Variants in MROH6 observed in about 807,000 individuals in gnomAD.
The protein encoded by MROH6 is maestro heat-like repeat-containing protein family member 6.
In MROH6, 62 loss-of-function variants were observed where a neutral mutation model predicts 67.7. The ratio of observed to expected loss-of-function variants is 0.92; its 90% CI spans 0.75 to 1.13. The LOEUF is 1.13. MROH6 is among the 50% of genes most tolerant of loss of function. The pLI is 0.00. For synonymous variants in MROH6, 566 were observed against 470.8 expected (o/e 1.20, Z -2.62); for missense variants, 1,175 against 1,029.1 (o/e 1.14, Z -1.94).
Position 143,572,747 on chromosome 8 carries a change from C to G in MROH6, c.-33G>C. The G allele has an allele frequency of 6.9e-7, 1 of 1,446,184 alleles. No homozygotes were observed. The highest frequency in any genetic ancestry group is 1.4e-5 in the South Asian group (1 of 69,970). 89.6% of individuals were successfully genotyped at this position (1,446,184 alleles called of 1,614,324 possible). On this transcript the variant is annotated 5_prime_UTR_variant, in exon 1 of 14. Coordinates refer to ENST00000398882, the MANE Select transcript of MROH6 (RefSeq NM_001100878.2). ...CTTGCCTGCAGCACCTGCCGCTGCT[C>G]CTCCTGCGAAGTTGTGCCCAGGACT...
intron 9 of MROH6, 23 bp downstream of exon 9, chr8:143,569,418 C>T: frequency 7.1e-7 from 1 of 1,417,280 alleles, no homozygotes; most frequent in Non-Finnish European, 9.1e-7. Context: ...GGGGCGGGAC[C>T]CGGAGGCGGG....
rs891016985 is a variant in MROH6 at position 143,567,412 on chromosome 8, C to T, written c.1987G>A (p.Val663Met). Residue 663 changes from valine to methionine, a missense_variant, in exon 14 of 14, where the codon GTG becomes ATG. Transcript: ENST00000398882. The part of the protein sequence containing the change: ...PKPAVAAAAH[V>M]SAQQVAMLAR... ...AGCATCGCCACCTGCTGAGCGGACA[C>T]GTGCGCTGCCGCGGCCACAGCCGGC... is the stretch of plus-strand genomic sequence containing the variant. The T allele has an allele frequency of 9.9e-6, 13 of 1,310,844 alleles. No homozygotes were observed. Among genetic ancestry groups the T allele is most frequent in the South Asian group, 2.1e-5 (1 of 47,056 alleles). 81.2% of individuals were successfully genotyped at this position (1,310,844 alleles called of 1,614,324 possible). A position where few individuals can be genotyped will look rare whatever the true frequency, so the allele number is the denominator to read the frequency against.
intron 6 of MROH6, 45 bp downstream of exon 6, chr8:143,570,198 C>T (rs368111962): frequency 5.4e-5 from 84 of 1,559,536 alleles, no homozygotes; most frequent in Non-Finnish European, 6.5e-5. Context: ...AGCAACGACT[C>T]TCTTCCTGGT....
chr8:143,568,896 C>T (rs1326045725), intron 9 of MROH6, 177 bp from the exon 10 acceptor site: 3 of 533,330 alleles, frequency 5.6e-6, no homozygotes, highest in Non-Finnish European at 9.7e-6. Context: ...CTGGAGAGCC[C>T]CTGCAGGGGG....
Position 143,571,824 on chromosome 8 carries a change from G to T in MROH6, c.448-3C>A, listed in dbSNP as rs1341429431. On this transcript the variant is annotated splice_region_variant and splice_polypyrimidine_tract_variant and intron_variant, in intron 2 of 13. Transcript: ENST00000398882. ...AGCCCACGCACCAGAGCATGCACCTGGTGGGGAAGGGGGCAGACTTCAGCA... is the reference window on the plus strand; with the variant it reads ...AGCCCACGCACCAGAGCATGCACCTTGTGGGGAAGGGGGCAGACTTCAGCA... 1 of 1,540,078 alleles carries T rather than the reference G, an allele frequency of 6.5e-7. No homozygotes were observed. The highest frequency in any genetic ancestry group is 1.2e-5 in the South Asian group (1 of 84,058).
Position 143,567,146 on chromosome 8 carries a change from G to A in MROH6, c.*93C>T, listed in dbSNP as rs893193668. 7.5e-6 allele frequency: 5 copies of A among 668,852 alleles called. No individual in the cohort carries two copies. Among genetic ancestry groups the A allele is most frequent in the Non-Finnish European group, 8.3e-6 (4 of 482,878 alleles). The allele number at this position is 668,852 out of a possible 1,614,324, so 41.4% of individuals were successfully genotyped here. A position where few individuals can be genotyped will look rare whatever the true frequency, so the allele number is the denominator to read the frequency against. On this transcript the variant is annotated 3_prime_UTR_variant, in exon 14 of 14. Coordinates refer to ENST00000398882, the MANE Select transcript of MROH6 (RefSeq NM_001100878.2). The stretch of plus-strand genomic sequence containing the variant: ...GGAGGGCATTGGCGTCCAGCACCAG[G>A]CCCAGGGAGCCCCTCCGTCAGGGCG...
Position 143,569,530 on chromosome 8 carries a change from C to T in MROH6, c.1387G>A (p.Ala463Thr). The change falls in exon 9 of 14, where the codon GCC becomes ACC. Residue 463 changes from alanine to threonine, a missense_variant. Ala to Thr is a moderately conservative substitution (Grantham distance 58). Transcript: ENST00000398882. ...GGCCGCAGCAGGAGCCTCCTCAGGG[C>T]GCCCAGCGCTGCACCCACGAGCCGC... ...DARLVGAALG[A>T]LRRLLLRPRA... is the part of the protein sequence containing the mutation. The T allele has an allele frequency of 2.7e-6, 4 of 1,507,446 alleles. No homozygotes were observed. The highest frequency in any genetic ancestry group is 2.3e-4 in the Middle Eastern group (1 of 4,392). The allele number at this position is 1,507,446 out of a possible 1,614,324, so 93.4% of individuals were successfully genotyped here.
At position 143,566,943 on chromosome 8, in the gene MROH6, C is replaced by T. The variant is rs1164342076; in HGVS notation, c.*296G>A. On this transcript the variant is annotated 3_prime_UTR_variant, in exon 14 of 14. Coordinates refer to ENST00000398882, the MANE Select transcript of MROH6 (RefSeq NM_001100878.2). Reference sequence around the variant, plus strand: ...ACCAACTTTGGGGTCCCCCAGCAGACTCAAGAGGCCAGGTGCCATCTGGGC... The same window carrying T: ...ACCAACTTTGGGGTCCCCCAGCAGATTCAAGAGGCCAGGTGCCATCTGGGC... 2 of 268,896 alleles carry T rather than the reference C, an allele frequency of 7.4e-6. No homozygotes were observed. Among genetic ancestry groups the T allele is most frequent in the East Asian group, 6.2e-5 (1 of 16,140 alleles). 16.7% of individuals were successfully genotyped at this position (268,896 alleles called of 1,614,324 possible).
chr8:143,567,727 G>C, intron 12 of MROH6, 51 bp from the exon 13 acceptor site: 1 of 1,570,988 alleles, frequency 6.4e-7, no homozygotes, highest in African/African-American at 1.4e-5. Context: ...CCCAGGGGGA[G>C]GCTGGCCCAG....
Position 143,570,051 on chromosome 8 carries a change from T to A in MROH6, c.1058A>T (p.His353Leu). 6.2e-7 allele frequency: 1 copy of A among 1,611,464 alleles called. No individual in the cohort carries two copies. The highest frequency in any genetic ancestry group is 8.5e-7 in the Non-Finnish European group (1 of 1,179,764). Residue 353 changes from histidine to leucine, a missense_variant, in exon 7 of 14, where the codon CAT (histidine) becomes CTT (leucine). By Grantham distance (99) the His-to-Leu change is moderately conservative. Coordinates refer to ENST00000398882, the MANE Select transcript of MROH6 (RefSeq NM_001100878.2). ...VLLLASAMVA[H>L]ADHHLRGLFA... is the part of the protein sequence containing the mutation. ...GAGGCCTCGCAGGTGGTGGTCGGCA[T>A]GTGCCACCATAGCACTGGGGTGGGT...
In MROH6 at chr8:143,571,674, C is replaced by A. The variant is rs754998519; in HGVS notation, c.595G>T (p.Ala199Ser). The A allele has an allele frequency of 1.9e-6, 3 of 1,556,934 alleles. No individual in the cohort carries two copies. The East Asian group carries it at 7.2e-5, about 38-fold the overall frequency. ...VCALLPRSLP[A>S]DRVAAELWRS... ...CCAGGACGGTTGGGTTACCGATCGG[C>A]GGGCAGAGAGCGGGGTAGCAGCGCA... The change falls in exon 3 of 14, where the codon GCC becomes TCC. Residue 199 changes from alanine (A) to serine (S), a missense_variant. By Grantham distance (99) the Ala-to-Ser change is moderately conservative (BLOSUM62 1). Coordinates refer to ENST00000398882, the MANE Select transcript of MROH6 (RefSeq NM_001100878.2).
chr8:143,567,276 G>T lies in MROH6; in HGVS notation c.2123C>A (p.Ala708Glu). 8.2e-7 allele frequency: 1 copy of T among 1,222,776 alleles called. No homozygotes were observed. Among genetic ancestry groups the T allele is most frequent in the Non-Finnish European group, 1.0e-6 (1 of 982,104 alleles). The allele number at this position is 1,222,776 out of a possible 1,614,324, so 75.7% of individuals were successfully genotyped here. The change falls in exon 14 of 14, where the codon GCG (alanine) becomes GAG (glutamate). Residue 708 changes from alanine to glutamate, a missense_variant. Coordinates refer to ENST00000398882, the MANE Select transcript of MROH6 (RefSeq NM_001100878.2). Reference sequence around the variant, plus strand: ...GGGTCCGGAGCAGCCCCAGCGGCCCGCGACGCTCCGGCGCTGGAAGGGGCT... The same window carrying T: ...GGGTCCGGAGCAGCCCCAGCGGCCCTCGACGCTCCGGCGCTGGAAGGGGCT... ...ADSPFQRRSV[A>E]GRWGCSGPRR... is the part of the protein sequence containing the mutation.
In MROH6 at chr8:143,567,844, G is replaced by C. The variant is rs765277552; in HGVS notation, c.1809C>G (p.Thr603=). ...PGHVPNFLSQ[T]QGYLRSPQDP... ...CCTGTGGACTCCGCAGGTAGCCCTGGGTCTGGCTCAGGAAGTTGGGCACGT... is the reference window on the plus strand; with the variant it reads ...CCTGTGGACTCCGCAGGTAGCCCTGCGTCTGGCTCAGGAAGTTGGGCACGT... Residue 603 remains threonine, a synonymous_variant, in exon 12 of 14, where the codon ACC becomes ACG. Coordinates refer to ENST00000398882, the MANE Select transcript of MROH6 (RefSeq NM_001100878.2). 2 of 1,531,172 alleles carry C rather than the reference G, an allele frequency of 1.3e-6. No individual in the cohort carries two copies. Among genetic ancestry groups the C allele is most frequent in the South Asian group, 1.3e-5 (1 of 77,800 alleles). 94.8% of individuals were successfully genotyped at this position (1,531,172 alleles called of 1,614,324 possible).
At chr8:143,568,305 A>C in intron 10 of MROH6, 44 bp from the exon 11 acceptor site, 1 of 1,564,670 alleles carries the variant, frequency 6.4e-7, no homozygotes, top group Non-Finnish European at 8.7e-7. Context: ...CAGGAAGTAG[A>C]AAGGCAAAAG....
In MROH6 at chr8:143,567,758, G is replaced by A. The variant is rs755898481; in HGVS notation, c.1867+28C>T. 15 of 1,570,954 alleles carry A rather than the reference G, an allele frequency of 9.5e-6. No homozygotes were observed. The South Asian group carries it at 1.6e-4, about 17-fold the overall frequency. Reference sequence around the variant, plus strand: ...CCCAGCTCCCAAAGCCCCGGTGCCAGGGGCAGTGTGACCCCGGGCGGCCTC... The same window carrying A: ...CCCAGCTCCCAAAGCCCCGGTGCCAAGGGCAGTGTGACCCCGGGCGGCCTC... On this transcript the variant is annotated intron_variant, in intron 12 of 13. Coordinates refer to ENST00000398882, the MANE Select transcript of MROH6 (RefSeq NM_001100878.2).
At position 143,568,677 on chromosome 8, in the gene MROH6, TCC is replaced by T; in HGVS notation, c.1517_1518del (p.Gly506AspfsTer35). 6.6e-7 allele frequency: 1 copy of T among 1,520,256 alleles called. No homozygotes were observed. The highest frequency in any genetic ancestry group is 8.8e-7 in the Non-Finnish European group (1 of 1,139,014). 94.2% of individuals were successfully genotyped at this position (1,520,256 alleles called of 1,614,324 possible). ...CCGCCCCGGCCCCGGCGCACCAGAGTCCCAAGGAGCCCGACGGCCGAGGCGCG... is the reference window on the plus strand; with the variant it reads ...CCGCCCCGGCCCCGGCGCACCAGAGTCAAGGAGCCCGACGGCCGAGGCGCG... ...SIRASAVGLL[G>X]TLVRRGRGGL... On this transcript the variant is annotated frameshift_variant, in exon 10 of 14. Transcript: ENST00000398882. LOFTEE classifies it high-confidence loss of function.
Position 143,567,620 on chromosome 8 carries a change from G to A in MROH6, c.1924C>T (p.Leu642=). The change falls in exon 13 of 14, where the codon CTG becomes TTG. Residue 642 remains leucine, a synonymous_variant. Coordinates refer to ENST00000398882, the MANE Select transcript of MROH6 (RefSeq NM_001100878.2). The part of the protein sequence containing the change: ...GCVNQDLLDS[L]FQDLGRLQSD... ...CAAGGTGGGGCCTCACCCTGGAACA[G>A]GGAGTCCAGCAGGTCCTGGTTGACA... is the stretch of plus-strand genomic sequence containing the variant. 2 of 1,564,118 alleles carry A rather than the reference G, an allele frequency of 1.3e-6. No homozygotes were observed. The highest frequency in any genetic ancestry group is 1.7e-6 in the Non-Finnish European group (2 of 1,155,106).
intron 3 of MROH6, among the ~76,000 whole-genome samples, chr8:143,571,317 G>A (rs985671202): frequency 3.3e-5 from 5 of 152,006 alleles, no homozygotes; most frequent in Admixed American, 6.6e-5. Flanking sequence ...TAACTTCTGG[G>A]GCCAATTAAC....
Position 143,572,402 on chromosome 8 carries a change from C to A in MROH6, c.294+19G>T. ...ACCCCCAGGCCGGTTCGCACAACAT[C>A]CCTTCCCTCCCCCGTCACCTGGTGG... On this transcript the variant is annotated intron_variant, in intron 1 of 13. Coordinates refer to ENST00000398882, the MANE Select transcript of MROH6 (RefSeq NM_001100878.2). The A allele has an allele frequency of 6.5e-7, 1 of 1,541,888 alleles. No individual in the cohort carries two copies. The highest frequency in any genetic ancestry group is 1.9e-5 in the Admixed American group (1 of 53,526).
Sources: gnomAD v4.1 joint callset for allele counts (sites outside exome capture counted in the v4.1 genomes callset) on GRCh38, gnomAD v4.1.1 for gene constraint, MANE v1.5 for transcripts, NCBI Gene and HGNC (gene_info 2026-07-23, HGNC 2026-07-21) for gene names.